TRIM71: variants seen among roughly 807,000 people sequenced by gnomAD.
The protein encoded by TRIM71 is E3 ubiquitin-protein ligase TRIM71.
A neutral mutation model predicts 61.2 loss-of-function variants in TRIM71; 9 were observed. The observed-to-expected ratio is 0.15, with a 90% CI of 0.09 to 0.26. The LOEUF is 0.26. TRIM71 is among the 10% of genes least tolerant of loss of function. The pLI, the probability that TRIM71 is intolerant of heterozygous loss-of-function variation, is 1.00. For missense variants in TRIM71, 998 were observed against 1,238.7 expected, an observed-to-expected ratio of 0.81 and a Z score of 2.92; for synonymous variants, 645 against 553.2, an observed-to-expected ratio of 1.17 and a Z score of -2.33.
chr3:32,819,783 G>C (rs1019675400), intron 1 of TRIM71, among the ~76,000 whole-genome samples: 1 of 152,170 alleles, frequency 6.6e-6, no homozygotes, highest in African/African-American at 2.4e-5. Flanking sequence ...ACAGGAACCG[G>C]TTTCCCTGGT....
At chr3:32,877,249 G>A (rs1269252141) in intron 2 of TRIM71, among the ~76,000 whole-genome samples, 1 of 152,072 alleles carries the variant, frequency 6.6e-6, no homozygotes, top group Non-Finnish European at 1.5e-5. Flanking sequence ...GGTTACAGGA[G>A]CCTGCCACCA....
At chr3:32,821,876 G>T (rs1178883261) in intron 1 of TRIM71, among the ~76,000 whole-genome samples, 1 of 151,938 alleles carries the variant, frequency 6.6e-6, no homozygotes, top group Non-Finnish European at 1.5e-5. Context: ...TGGCCTGGCC[G>T]GCGGCTGCTC....
intron 2 of TRIM71, among the ~76,000 whole-genome samples, chr3:32,874,668 G>A (rs1278988777): frequency 1.3e-5 from 2 of 151,888 alleles, no homozygotes; most frequent in South Asian, 2.1e-4. Flanking sequence ...GACTACAGGC[G>A]CCCACCACCA....
intron 1 of TRIM71, among the ~76,000 whole-genome samples, chr3:32,870,070 C>T (rs1696779358): frequency 6.6e-6 from 1 of 152,170 alleles, no homozygotes; most frequent in Non-Finnish European, 1.5e-5. Context: ...AATTTTACAC[C>T]TGTTTCAGAG....
At chr3:32,854,164 A>AT (rs1007878636) in intron 1 of TRIM71, among the ~76,000 whole-genome samples, 73 of 152,184 alleles carry the variant, frequency 4.8e-4, no homozygotes, top group Admixed American at 2.2e-3. Flanking sequence ...AATTTTTTAA[A>AT]TTTTTTTGTA....
rs1488806895 is a variant in TRIM71 at position 32,891,825 on chromosome 3, G to C, written c.*14G>C. 6.2e-7 allele frequency: 1 copy of C among 1,611,094 alleles called. No individual in the cohort carries two copies. The highest frequency in any genetic ancestry group is 1.7e-5 in the Admixed American group (1 of 59,616). ...CTCGTCTTCTAATTGCATTTCCTAG[G>C]TTTCTGTGTTTGGGGTGTGTGTGCG... is the stretch of plus-strand genomic sequence containing the variant. On this transcript the variant is annotated 3_prime_UTR_variant, in exon 4 of 4. Coordinates refer to ENST00000383763, the MANE Select transcript of TRIM71 (RefSeq NM_001039111.3). The surrounding 1 kb of genome is among the most constrained non-coding windows in gnomAD (Gnocchi z 8.2).
At chr3:32,841,206 C>T (rs1172933093) in intron 1 of TRIM71, among the ~76,000 whole-genome samples, 2 of 152,134 alleles carry the variant, frequency 1.3e-5, no homozygotes, top group African/African-American at 4.8e-5. Context: ...GATCGCGCCA[C>T]TGCACTCCAG....
intron 1 of TRIM71, among the ~76,000 whole-genome samples, chr3:32,855,841 C>A (rs1002833175): frequency 6.6e-6 from 1 of 152,090 alleles, no homozygotes; most frequent in African/African-American, 2.4e-5. Context: ...TAAAACAACC[C>A]ACAGTTCAGA....
chr3:32,888,720 A>G (rs1696989629), intron 3 of TRIM71, among the ~76,000 whole-genome samples: 1 of 152,088 alleles, frequency 6.6e-6, no homozygotes, highest in African/African-American at 2.4e-5. Context: ...TTGTATTTTT[A>G]GTACAGAGAA....
intron 1 of TRIM71, among the ~76,000 whole-genome samples, chr3:32,866,144 T>G (rs545654568): frequency 1.3e-5 from 2 of 151,592 alleles, no homozygotes; most frequent in South Asian, 4.2e-4. Flanking sequence ...TTTTAAAACA[T>G]GATGCTTCCA....
In TRIM71 at chr3:32,895,957, TTTC is replaced by T. The variant is rs1697073205; in HGVS notation, c.*4148_*4150del. The T allele has an allele frequency of 6.6e-6, 1 of 152,350 alleles. No individual in the cohort carries two copies. Among genetic ancestry groups the T allele is most frequent in the Non-Finnish European group, 1.5e-5 (1 of 68,036 alleles). The allele number at this position is 152,350 out of a possible 1,614,324, so 9.4% of individuals were successfully genotyped here. A position where few individuals can be genotyped will look rare whatever the true frequency, so the allele number is the denominator to read the frequency against. ...AATGTTACCATAAATCTACAACTGA[TTTC>T]TCCCAGGAGAAATGTTCTACTTACC... On this transcript the variant is annotated 3_prime_UTR_variant, in exon 4 of 4. Transcript: ENST00000383763.
At chr3:32,854,623 G>A (rs1696576183) in intron 1 of TRIM71, among the ~76,000 whole-genome samples, 2 of 152,174 alleles carry the variant, frequency 1.3e-5, no homozygotes, top group South Asian at 2.1e-4. Flanking sequence ...GCATCATCTG[G>A]CTAAATCTTT....
At chr3:32,824,045 A>C (rs1696172023) in intron 1 of TRIM71, among the ~76,000 whole-genome samples, 1 of 102,544 alleles carries the variant, frequency 9.8e-6, no homozygotes, top group Non-Finnish European at 2.0e-5. Flanking sequence ...GCTGCACTCC[A>C]ACCTGGGCAA....
chr3:32,892,876 G>A lies in TRIM71; in HGVS notation c.*1065G>A, dbSNP rs1184615737. On this transcript the variant is annotated 3_prime_UTR_variant, in exon 4 of 4. Transcript: ENST00000383763. ...GGACATGCGTGTGCTGAGGGAGTCA[G>A]GGAGCACATTAAAGAACAAGGCACC... is the stretch of plus-strand genomic sequence containing the variant. 6.6e-6 allele frequency: 1 copy of A among 152,178 alleles called. No individual in the cohort carries two copies. Among genetic ancestry groups the A allele is most frequent in the Non-Finnish European group, 1.5e-5 (1 of 68,050 alleles). The allele number at this position is 152,178 out of a possible 1,614,324, so 9.4% of individuals were successfully genotyped here.
chr3:32,826,772 T>G (rs970648392), intron 1 of TRIM71, among the ~76,000 whole-genome samples: 6 of 151,520 alleles, frequency 4.0e-5, no homozygotes, highest in Non-Finnish European at 7.4e-5. Context: ...TTGTTTGTTT[T>G]TTTGAGACGG....
At chr3:32,829,165 C>CTT (rs1186258761) in intron 1 of TRIM71, among the ~76,000 whole-genome samples, 3 of 148,536 alleles carry the variant, frequency 2.0e-5, no homozygotes, top group African/African-American at 7.4e-5. Flanking sequence ...GGATAATTTT[C>CTT]TTTTTTTCTT....
Position 32,873,983 on chromosome 3 carries a change from C to G in TRIM71, c.1018C>G (p.Gln340Glu). 6.2e-7 allele frequency: 1 copy of G among 1,606,660 alleles called. No individual in the cohort carries two copies. Among genetic ancestry groups the G allele is most frequent in the Non-Finnish European group, 8.5e-7 (1 of 1,176,970 alleles). The stretch of plus-strand genomic sequence containing the variant: ...TGCCCAGCAGGGACGACAGGCAATC[C>G]AGGTGAGCCTTCCCTGCCCTTCTGC... ...ADAQQGRQAI[Q>E]LSIEQAQTVA... Residue 340 changes from glutamine to glutamate, a missense_variant and splice_region_variant, in exon 2 of 4, where the codon CAG becomes GAG. This residue lies in a region of TRIM71 where 291 missense variants were observed against 431.2 expected (regional missense o/e 0.67). Coordinates refer to ENST00000383763, the MANE Select transcript of TRIM71 (RefSeq NM_001039111.3).
chr3:32,851,573 G>C (rs1696538619), intron 1 of TRIM71, among the ~76,000 whole-genome samples: 1 of 152,166 alleles, frequency 6.6e-6, no homozygotes, highest in African/African-American at 2.4e-5. Flanking sequence ...TCGCCTCCCA[G>C]GTTCAAGCGA....
At chr3:32,861,470 C>T (rs1181978320) in intron 1 of TRIM71, among the ~76,000 whole-genome samples, 2 of 151,562 alleles carry the variant, frequency 1.3e-5, no homozygotes, top group Non-Finnish European at 2.9e-5. Context: ...CGGTGGCTCA[C>T]GCCTGTAATC....
Sources: allele counts gnomAD v4.1 joint callset (sites outside exome capture counted in the v4.1 genomes callset), GRCh38; gene constraint gnomAD v4.1.1; regional missense constraint gnomAD v4.1.1; non-coding constraint Gnocchi (gnomAD v3.1); transcripts MANE v1.5; gene names NCBI Gene and HGNC (gene_info 2026-07-23, HGNC 2026-07-21).